The following C12orf56 variants were observed in gnomAD, a reference collection of about 807,000 sequenced individuals.
C12orf56 encodes uncharacterized protein C12orf56.
Under a neutral mutation model 69.9 loss-of-function variants are expected in C12orf56, and 71 were observed. The observed-to-expected ratio is 1.02, with a 90% CI of 0.84 to 1.24. The LOEUF (loss-of-function observed/expected upper bound fraction) is 1.24, where lower values mean the gene tolerates loss of function less well. C12orf56 is among the 50% of genes most tolerant of loss of function. The probability of loss-of-function intolerance (pLI) is 0.00; values close to 1 mark genes in which losing one functional copy is unlikely to be tolerated. For missense variants in C12orf56, 732 were observed against 738.5 expected (o/e 0.99, Z 0.10); for synonymous variants, 276 against 274.1 (o/e 1.01, Z -0.07).
intron 1 of C12orf56, among the ~76,000 whole-genome samples, chr12:64,353,906 C>G (rs1312924520): frequency 1.3e-5 from 2 of 152,052 alleles, no homozygotes; most frequent in Non-Finnish European, 2.9e-5. Flanking sequence ...GTCTTGAACT[C>G]CTGACTTAAG....
At chr12:64,326,532 C>G (rs559575910) in intron 3 of C12orf56, among the ~76,000 whole-genome samples, 5 of 152,040 alleles carry the variant, frequency 3.3e-5, no homozygotes, top group Non-Finnish European at 5.9e-5. Flanking sequence ...ACTGGGAGTT[C>G]GAGACCAGCC....
At chr12:64,358,778 A>C (rs1009414582) in intron 1 of C12orf56, among the ~76,000 whole-genome samples, 6 of 152,262 alleles carry the variant, frequency 3.9e-5, no homozygotes, top group African/African-American at 1.2e-4. Context: ...TGGGCGACAC[A>C]GTGAGACTCC....
chr12:64,285,826 T>A, intron 7 of C12orf56, 128 bp downstream of exon 7: 1 of 458,446 alleles, frequency 2.2e-6, no homozygotes, highest in East Asian at 3.5e-5. Context: ...AAAAATAAAA[T>A]CCACAGGAAG....
At chr12:64,272,303 G>A in intron 11 of C12orf56, among the ~76,000 whole-genome samples, 1 of 152,076 alleles carries the variant, frequency 6.6e-6, no homozygotes, top group Non-Finnish European at 1.5e-5. Flanking sequence ...TCAGGAGTTT[G>A]AGACCAGCGT....
At chr12:64,342,987 C>T (rs2039094404) in intron 2 of C12orf56, among the ~76,000 whole-genome samples, 1 of 152,332 alleles carries the variant, frequency 6.6e-6, no homozygotes, top group East Asian at 1.9e-4. Context: ...GAGCCTTCTC[C>T]TGTTCTGGAC....
intron 6 of C12orf56, among the ~76,000 whole-genome samples, chr12:64,299,291 C>T (rs144331327): frequency 5.2e-4 from 79 of 152,224 alleles, no homozygotes; most frequent in African/African-American, 1.7e-3. Context: ...TGGGCTGAGA[C>T]GGTGAGGTTT....
intron 1 of C12orf56, among the ~76,000 whole-genome samples, chr12:64,363,472 G>A (rs2039424102): frequency 6.6e-6 from 1 of 152,142 alleles, no homozygotes; most frequent in South Asian, 2.1e-4. Context: ...ATATCATCTC[G>A]AAGCCTTGGA....
At chr12:64,331,558 T>G (rs979066626) in intron 2 of C12orf56, among the ~76,000 whole-genome samples, 2 of 152,148 alleles carry the variant, frequency 1.3e-5, no homozygotes. Context: ...AGTGATTAAG[T>G]CACTAGGGCT....
chr12:64,285,457 A>C (rs1194756268), intron 7 of C12orf56, among the ~76,000 whole-genome samples: 1 of 152,166 alleles, frequency 6.6e-6, no homozygotes, highest in African/African-American at 2.4e-5. Context: ...GCATCCTTCC[A>C]TTAAAATTAG....
chr12:64,323,593 T>A (rs1351529752), intron 3 of C12orf56, among the ~76,000 whole-genome samples: 1 of 114,670 alleles, frequency 8.7e-6, no homozygotes, highest in Non-Finnish European at 1.7e-5. Context: ...AGACAGGGTC[T>A]TACTCTGTCA....
chr12:64,343,612 C>T (rs960594108), intron 2 of C12orf56, among the ~76,000 whole-genome samples: 1 of 152,220 alleles, frequency 6.6e-6, no homozygotes, highest in Non-Finnish European at 1.5e-5. Context: ...ACAGCAGCTG[C>T]ACTTGGAGTC....
chr12:64,273,359 T>C (rs1280312249), intron 11 of C12orf56, among the ~76,000 whole-genome samples: 2 of 152,096 alleles, frequency 1.3e-5, no homozygotes, highest in Non-Finnish European at 2.9e-5. Flanking sequence ...GGAAATTTAG[T>C]TTAGATTACT....
intron 1 of C12orf56, among the ~76,000 whole-genome samples, chr12:64,383,486 C>T (rs1022592427): frequency 3.3e-5 from 5 of 152,062 alleles, no homozygotes; most frequent in African/African-American, 9.7e-5. Context: ...AAGCAATTCT[C>T]CTGTCTCAGC....
intron 3 of C12orf56, 87 bp downstream of exon 3, chr12:64,330,873 T>C: frequency 8.9e-7 from 1 of 1,118,982 alleles, no homozygotes. Flanking sequence ...AAGCCATTAG[T>C]AGAGAAAAAA....
chr12:64,331,045 A>G lies in C12orf56; in HGVS notation c.416-13T>C, dbSNP rs1345721054. 1 of 1,526,332 alleles carries G rather than the reference A, an allele frequency of 6.6e-7. No homozygotes were observed. The highest frequency in any genetic ancestry group is 1.2e-5 in the South Asian group (1 of 82,480). The allele number at this position is 1,526,332 out of a possible 1,614,324, so 94.5% of individuals were successfully genotyped here. The stretch of plus-strand genomic sequence containing the variant: ...TTTTCTTCCTTGACTTAAAAAAAAA[A>G]TAGTTATTTGGTCATTAATTAAATA... On this transcript the variant is annotated splice_polypyrimidine_tract_variant and intron_variant, in intron 2 of 12. Coordinates refer to ENST00000543942, the MANE Select transcript of C12orf56 (RefSeq NM_001170633.2).
chr12:64,381,160 T>C (rs1046709915), intron 1 of C12orf56, among the ~76,000 whole-genome samples: 11 of 151,896 alleles, frequency 7.2e-5, no homozygotes, highest in Admixed American at 2.0e-4. Context: ...GGAGTGTTGA[T>C]TGGTTGGGTC....
At chr12:64,273,297 C>CAAAAAA (rs201066197) in intron 11 of C12orf56, among the ~76,000 whole-genome samples, 1 of 139,892 alleles carries the variant, frequency 7.1e-6, no homozygotes, top group African/African-American at 2.9e-5. Flanking sequence ...GACTCTGTCT[C>CAAAAAA]AAAAAAAAAA....
At chr12:64,359,837 C>T (rs971071770) in intron 1 of C12orf56, among the ~76,000 whole-genome samples, 10 of 152,092 alleles carry the variant, frequency 6.6e-5, no homozygotes, top group Admixed American at 5.9e-4. Context: ...GCCTCAGCCT[C>T]CTGAGTAGCT....
At chr12:64,356,139 G>C (rs994802544) in intron 1 of C12orf56, among the ~76,000 whole-genome samples, 1 of 142,844 alleles carries the variant, frequency 7.0e-6, no homozygotes, top group African/African-American at 2.7e-5. Flanking sequence ...ACTTCAGCCT[G>C]GGCCTGTTGC....
Sources: gnomAD v4.1 joint callset for allele counts (sites outside exome capture counted in the v4.1 genomes callset) on GRCh38, gnomAD v4.1.1 for gene constraint, MANE v1.5 for transcripts, NCBI Gene and HGNC (gene_info 2026-07-23, HGNC 2026-07-21) for gene names.